SLC39A11: variants seen among roughly 807,000 people sequenced by gnomAD.
SLC39A11 encodes solute carrier family 39 member 11, also known as zinc transporter ZIP11.
A neutral mutation model predicts 36.1 loss-of-function variants in SLC39A11; 33 were observed. The observed-to-expected ratio is 0.91, with a 90% CI of 0.69 to 1.22. The LOEUF (loss-of-function observed/expected upper bound fraction) is 1.22. Ranked by LOEUF, SLC39A11 falls within the 50% of genes most tolerant of loss-of-function variation. SLC39A11 has a pLI of 0.00. For missense variants in SLC39A11, 432 were observed against 430.3 expected (o/e 1.00, Z -0.03); for synonymous variants, 166 against 170.3 (o/e 0.97, Z 0.20).
intron 6 of SLC39A11, among the ~76,000 whole-genome samples, chr17:72,840,051 A>T (rs1207893259): frequency 6.6e-6 from 1 of 152,240 alleles, no homozygotes; most frequent in Non-Finnish European, 1.5e-5. Flanking sequence ...AATAAAAGTC[A>T]TCTGCAATCC....
intron 6 of SLC39A11, among the ~76,000 whole-genome samples, chr17:72,782,181 G>A (rs569699076): frequency 6.6e-6 from 1 of 152,220 alleles, no homozygotes; most frequent in East Asian, 1.9e-4. Flanking sequence ...CAGAGGAGAA[G>A]ACAATCTCAG....
At chr17:72,653,660 G>A (rs2069973231) in intron 7 of SLC39A11, among the ~76,000 whole-genome samples, 1 of 151,816 alleles carries the variant, frequency 6.6e-6, no homozygotes, top group South Asian at 2.1e-4. Context: ...GGGTGGTCTC[G>A]AACTCCTGAC....
At chr17:73,091,087 T>C (rs1343084295) in intron 1 of SLC39A11, among the ~76,000 whole-genome samples, 2 of 152,148 alleles carry the variant, frequency 1.3e-5, no homozygotes, top group African/African-American at 4.8e-5. Context: ...TGGAATTCCA[T>C]GGGGGATTCT....
intron 6 of SLC39A11, among the ~76,000 whole-genome samples, chr17:72,798,516 C>G (rs895079290): frequency 6.6e-6 from 1 of 151,082 alleles, no homozygotes; most frequent in African/African-American, 2.4e-5. Flanking sequence ...CAGGTTCATG[C>G]AATTCTCCGA....
At chr17:72,840,577 G>A (rs1275001825) in intron 6 of SLC39A11, among the ~76,000 whole-genome samples, 1 of 152,170 alleles carries the variant, frequency 6.6e-6, no homozygotes, top group East Asian at 1.9e-4. Context: ...TGGCCAACAT[G>A]GCAAAACCCC....
In SLC39A11 at chr17:72,664,585, C is replaced by T. The variant is rs146333954; in HGVS notation, c.672-15317G>A. 2.8e-3 allele frequency among the ~76,000 whole-genome samples: 423 copies of T among 152,318 alleles called. 1 individual carries two copies. Among genetic ancestry groups the T allele is most frequent in the African/African-American group, 9.6e-3 (398 of 41,574 alleles). On this transcript the variant is annotated intron_variant, in intron 7 of 9. Transcript: ENST00000255559. ...CCTCCATCATGTCCTTCCTGGGCTA[C>T]AGTAACAGCCTCCTAACCAGTCTCC...
At chr17:72,782,350 C>T (rs2076346491) in intron 6 of SLC39A11, among the ~76,000 whole-genome samples, 1 of 152,148 alleles carries the variant, frequency 6.6e-6, no homozygotes, top group South Asian at 2.1e-4. Flanking sequence ...GGTCTTTCAC[C>T]TCCAGAACTG....
chr17:72,852,333 C>A (rs2079393573), intron 5 of SLC39A11, among the ~76,000 whole-genome samples: 1 of 152,018 alleles, frequency 6.6e-6, no homozygotes. Context: ...TCCTCCCCAG[C>A]TCCCAATCAT....
At chr17:73,067,755 C>T (rs957262393) in intron 3 of SLC39A11, 15 of 865,110 alleles carry the variant, frequency 1.7e-5, no homozygotes, top group African/African-American at 6.8e-5. Context: ...AGAGTAGACA[C>T]GTACTGAATA....
At position 72,933,472 on chromosome 17, in the gene SLC39A11, T is replaced by G. The variant is rs78514043; in HGVS notation, c.430+14280A>C. Among the ~76,000 whole-genome samples the G allele has an allele frequency of 8.3e-3, 1,263 of 152,234 alleles. 19 individuals carry two copies. Among genetic ancestry groups the G allele is most frequent in the African/African-American group, 0.029 (1,206 of 41,536 alleles). On this transcript the variant is annotated intron_variant, in intron 5 of 9. Coordinates refer to ENST00000255559, the MANE Select transcript of SLC39A11 (RefSeq NM_139177.4). ...ACTCTATATTTATTAAGATGTCAATTTCCTCCAAATTGGTTTATGGATTCA... is the reference window on the plus strand; with the variant it reads ...ACTCTATATTTATTAAGATGTCAATGTCCTCCAAATTGGTTTATGGATTCA...
intron 5 of SLC39A11, among the ~76,000 whole-genome samples, chr17:72,942,545 G>A (rs1487826585): frequency 2.0e-5 from 3 of 152,042 alleles, no homozygotes; most frequent in South Asian, 2.1e-4. Flanking sequence ...CCTCACTCTC[G>A]ATCAAATTTA....
At chr17:73,055,877 C>T (rs2059649014) in intron 3 of SLC39A11, among the ~76,000 whole-genome samples, 2 of 152,234 alleles carry the variant, frequency 1.3e-5, no homozygotes, top group African/African-American at 4.8e-5. Flanking sequence ...CTTCCATCTT[C>T]TGTCCATAAA....
chr17:73,015,124 C>A (rs570054498), intron 4 of SLC39A11, among the ~76,000 whole-genome samples: 1 of 152,238 alleles, frequency 6.6e-6, no homozygotes, highest in South Asian at 2.1e-4. Context: ...TATGGCCTCA[C>A]AGCCACTGAA....
At chr17:72,952,395 C>T (rs113041214) in intron 4 of SLC39A11, among the ~76,000 whole-genome samples, 5 of 152,158 alleles carry the variant, frequency 3.3e-5, no homozygotes, top group African/African-American at 4.8e-5. Flanking sequence ...GCGTCCCTGG[C>T]GGTGGGGGAA....
intron 3 of SLC39A11, among the ~76,000 whole-genome samples, chr17:73,070,741 G>A (rs1332337494): frequency 6.6e-6 from 1 of 152,116 alleles, no homozygotes; most frequent in Non-Finnish European, 1.5e-5. Context: ...CTCTTCTCAT[G>A]ATAGTAAGTC....
chr17:72,655,053 T>C (rs924454220), intron 7 of SLC39A11, among the ~76,000 whole-genome samples: 7 of 152,208 alleles, frequency 4.6e-5, no homozygotes, highest in Admixed American at 4.6e-4. Context: ...TGCCATGCCC[T>C]CTGGATCCTG....
chr17:72,849,585 T>C, intron 6 of SLC39A11, 49 bp downstream of exon 6: 1 of 1,451,904 alleles, frequency 6.9e-7, no homozygotes, highest in Non-Finnish European at 9.1e-7. Context: ...TGCTGACAAA[T>C]GACTTTACCT....
chr17:72,684,512 C>T (rs545270540), intron 7 of SLC39A11, among the ~76,000 whole-genome samples: 11 of 152,330 alleles, frequency 7.2e-5, no homozygotes, highest in South Asian at 2.1e-4. Flanking sequence ...CCAAGGATAA[C>T]GCATCGTGCT....
At chr17:72,776,610 G>GGA (rs147476454) in intron 6 of SLC39A11, among the ~76,000 whole-genome samples, 7 of 119,856 alleles carry the variant, frequency 5.8e-5, no homozygotes, top group Admixed American at 1.8e-4. Flanking sequence ...ACTTTGCATG[G>GGA]AAAAAAAAAA....
Sources: allele counts gnomAD v4.1 joint callset (sites outside exome capture counted in the v4.1 genomes callset), GRCh38; gene constraint gnomAD v4.1.1; transcripts MANE v1.5; gene names NCBI Gene and HGNC (gene_info 2026-07-23, HGNC 2026-07-21).